Variants in SH3RF3 observed in about 807,000 individuals in gnomAD.
SH3RF3 encodes E3 ubiquitin-protein ligase SH3RF3.
Under a neutral mutation model 66.3 loss-of-function variants are expected in SH3RF3, and 29 were observed. That is an observed-to-expected ratio of 0.44 (90% CI 0.33 to 0.60). SH3RF3 has a LOEUF of 0.60. Ranked by LOEUF, SH3RF3 falls within the 20% of genes least tolerant of loss-of-function variation. The probability of loss-of-function intolerance (pLI) is 0.04; values close to 1 mark genes in which losing one functional copy is unlikely to be tolerated. For missense variants in SH3RF3, 1,194 were observed against 1,190.9 expected (o/e 1.00, Z -0.04); for synonymous variants, 583 against 532.0 (o/e 1.10, Z -1.32).
chr2:109,298,660 C>T (rs1021473854), intron 1 of SH3RF3, among the ~76,000 whole-genome samples: 4 of 152,090 alleles, frequency 2.6e-5, no homozygotes, highest in African/African-American at 9.7e-5. Flanking sequence ...TCCGTGCTCC[C>T]TCTGGCCAGG....
rs866647398 is a variant in SH3RF3 at position 109,398,638 on chromosome 2, G to A, written c.994G>A (p.Ala332Thr). 3.8e-6 allele frequency: 6 copies of A among 1,598,366 alleles called. No homozygotes were observed. The African/African-American group carries it at 6.7e-5, about 18-fold the overall frequency. ...QLIEMDKPCPAAASSCNASLP... is the reference protein window; with the variant it reads ...QLIEMDKPCPTAASSCNASLP... ...CATTGAGATGGACAAGCCATGCCCAGCCGCTGCATCCAGCTGCAATGCCTC... is the reference window on the plus strand; with the variant it reads ...CATTGAGATGGACAAGCCATGCCCAACCGCTGCATCCAGCTGCAATGCCTC... Residue 332 changes from alanine to threonine, a missense_variant, in exon 4 of 10, where the codon GCC becomes ACC. Transcript: ENST00000309415.
Position 109,129,915 on chromosome 2 carries a change from C to T in SH3RF3, c.375C>T (p.Pro125=). The change falls in exon 1 of 10, where the codon CCC becomes CCT. Residue 125 remains proline, a synonymous_variant. Coordinates refer to ENST00000309415, the MANE Select transcript of SH3RF3 (RefSeq NM_001099289.3). Reference sequence around the variant, plus strand: ...TGCTGGACGGCATCCGTCAGCGGCCCCGCGCGGGCACCAGCCCCGGCGGCA... The same window carrying T: ...TGCTGGACGGCATCCGTCAGCGGCCTCGCGCGGGCACCAGCCCCGGCGGCA... The part of the protein sequence containing the change: ...VRLLDGIRQR[P]RAGTSPGGSP... The T allele has an allele frequency of 6.7e-7, 1 of 1,502,418 alleles. No individual in the cohort carries two copies. The highest frequency in any genetic ancestry group is 2.7e-5 in the East Asian group (1 of 36,836). 93.1% of individuals were successfully genotyped at this position (1,502,418 alleles called of 1,614,324 possible). A position where few individuals can be genotyped will look rare whatever the true frequency, so the allele number is the denominator to read the frequency against.
rs115610340 is a variant in SH3RF3, at chr2:109,386,295, G to A, written c.946-12295G>A. ...CCTATCCGTTAGAGACGCATATGGA[G>A]CATGTACAGGTGACATTGTGTGGCT... On this transcript the variant is annotated intron_variant, in intron 3 of 9. Coordinates refer to ENST00000309415, the MANE Select transcript of SH3RF3 (RefSeq NM_001099289.3). 2.4e-3 allele frequency among the ~76,000 whole-genome samples: 366 copies of A among 152,326 alleles called. 4 individuals carry two copies. Among genetic ancestry groups the A allele is most frequent in the African/African-American group, 8.4e-3 (350 of 41,576 alleles).
Position 109,445,476 on chromosome 2 carries a change from TAAGA to T in SH3RF3, c.1829-3689_1829-3686del, listed in dbSNP as rs529067352. 5.9e-5 allele frequency among the ~76,000 whole-genome samples: 9 copies of T among 152,084 alleles called. No individual in the cohort carries two copies. In the South Asian group the frequency reaches 6.2e-4, roughly 11 times the overall value. ...ACTTACATAGAAATGAATAAAAATA[TAAGA>T]AAGAGCCAGTGTACACACTATTTCA... On this transcript the variant is annotated intron_variant, in intron 7 of 9. Transcript: ENST00000309415.
At chr2:109,371,438 G>C in intron 2 of SH3RF3, 148 bp from the exon 3 acceptor site, 1 of 593,650 alleles carries the variant, frequency 1.7e-6, no homozygotes, top group South Asian at 2.5e-5. Context: ...GGGTGAAGAT[G>C]TCAGATACCT....
chr2:109,383,626 G>A lies in SH3RF3; in HGVS notation c.945+11945G>A, dbSNP rs1255897344. On this transcript the variant is annotated intron_variant, in intron 3 of 9. Coordinates refer to ENST00000309415, the MANE Select transcript of SH3RF3 (RefSeq NM_001099289.3). ...GTGTGTGCCCTGTGGGGTACTTTCTGTAACCACCTGAATTCCACCTGTGAT... is the reference window on the plus strand; with the variant it reads ...GTGTGTGCCCTGTGGGGTACTTTCTATAACCACCTGAATTCCACCTGTGAT... Among the ~76,000 whole-genome samples, 3 of 152,164 alleles carry A rather than the reference G, an allele frequency of 2.0e-5. No individual in the cohort carries two copies. In the East Asian group the frequency reaches 5.8e-4, roughly 29 times the overall value.
intron 2 of SH3RF3, among the ~76,000 whole-genome samples, chr2:109,350,340 C>T (rs567953245): frequency 7.2e-5 from 11 of 152,238 alleles, no homozygotes; most frequent in African/African-American, 2.4e-4. Flanking sequence ...TGTGACGGCT[C>T]CCACAGCAGA....
chr2:109,268,058 A>G (rs1422807548), intron 1 of SH3RF3, among the ~76,000 whole-genome samples: 1 of 151,326 alleles, frequency 6.6e-6, no homozygotes, highest in Non-Finnish European at 1.5e-5. Context: ...GGTCTTCCAG[A>G]CTGTCCCCTA....
At chr2:109,453,307 A>C (rs930396305) in intron 8 of SH3RF3, among the ~76,000 whole-genome samples, 3 of 152,106 alleles carry the variant, frequency 2.0e-5, no homozygotes, top group Non-Finnish European at 4.4e-5. Context: ...CAACACCCAC[A>C]AGTTACACAG....
chr2:109,469,010 C>T (rs1678434356), intron 8 of SH3RF3, among the ~76,000 whole-genome samples: 1 of 151,266 alleles, frequency 6.6e-6, no homozygotes, highest in East Asian at 1.9e-4. Context: ...TTCTAAAGGG[C>T]TCCAGCCACC....
At chr2:109,489,957 C>G (rs943228098) in intron 8 of SH3RF3, among the ~76,000 whole-genome samples, 1 of 152,136 alleles carries the variant, frequency 6.6e-6, no homozygotes. Flanking sequence ...AGGCTGGTCT[C>G]GAACTCCTGA....
intron 1 of SH3RF3, among the ~76,000 whole-genome samples, chr2:109,188,964 A>G (rs1864479): frequency 0.82 from 124,213 of 151,638 alleles, 50,993 homozygotes; most frequent in East Asian, 0.89. Context: ...TTTGTGAAGT[A>G]CTCTTTTCAT....
intron 8 of SH3RF3, among the ~76,000 whole-genome samples, chr2:109,489,989 T>C (rs141441237): frequency 0.027 from 4,145 of 152,274 alleles, 189 homozygotes; most frequent in African/African-American, 0.093. Flanking sequence ...CTGCCCACCT[T>C]GGCCTCCCAA....
chr2:109,130,180 G>A, intron 1 of SH3RF3, 67 bp downstream of exon 1: 2 of 1,239,884 alleles, frequency 1.6e-6, no homozygotes, highest in Non-Finnish European at 2.0e-6. Context: ...CTTGGGCGTG[G>A]GGGGCAGTGA....
At chr2:109,472,353 G>A (rs962524363) in intron 8 of SH3RF3, among the ~76,000 whole-genome samples, 16 of 120,890 alleles carry the variant, frequency 1.3e-4, no homozygotes, top group Non-Finnish European at 2.2e-4. Context: ...GTCTCGGGCC[G>A]GTGTGCATGC....
At chr2:109,313,914 G>A (rs1681800620) in intron 1 of SH3RF3, among the ~76,000 whole-genome samples, 1 of 152,194 alleles carries the variant, frequency 6.6e-6, no homozygotes, top group African/African-American at 2.4e-5. Flanking sequence ...GGTGTGTTGG[G>A]ACCCGTATGC....
At chr2:109,349,302 C>A (rs1682789313) in intron 2 of SH3RF3, among the ~76,000 whole-genome samples, 1 of 152,178 alleles carries the variant, frequency 6.6e-6, no homozygotes, top group Non-Finnish European at 1.5e-5. Context: ...ATTTTTCATT[C>A]AGGGATTCAA....
intron 3 of SH3RF3, among the ~76,000 whole-genome samples, chr2:109,391,176 C>T (rs1176757967): frequency 1.3e-5 from 2 of 152,344 alleles, no homozygotes; most frequent in African/African-American, 2.4e-5. Context: ...TCAGGCTTTA[C>T]GTGCAAAATT....
chr2:109,337,682 G>A (rs1450682583), intron 1 of SH3RF3, among the ~76,000 whole-genome samples: 5 of 151,798 alleles, frequency 3.3e-5, no homozygotes, highest in African/African-American at 2.4e-5. Context: ...AGCATATGCC[G>A]TATGCTACCA....
Sources: gnomAD v4.1 joint callset for allele counts (sites outside exome capture counted in the v4.1 genomes callset) on GRCh38, gnomAD v4.1.1 for gene constraint, MANE v1.5 for transcripts, NCBI Gene and HGNC (gene_info 2026-07-23, HGNC 2026-07-21) for gene names.